ZEB1: variants seen among roughly 807,000 people sequenced by gnomAD.
ZEB1 encodes the protein zinc finger E-box binding homeobox 1.
ZEB1 carries 21 observed loss-of-function variants against 84.9 expected under a neutral mutation model. That is an observed-to-expected ratio of 0.25 (90% CI 0.18 to 0.36). ZEB1 has a LOEUF of 0.36. ZEB1 is among the 10% of genes least tolerant of loss of function. ZEB1 has a pLI of 1.00. For missense variants in ZEB1, 1,104 were observed against 1,330.2 expected (o/e 0.83, Z 2.65); for synonymous variants, 420 against 471.1 (o/e 0.89, Z 1.41).
intron 1 of ZEB1, among the ~76,000 whole-genome samples, chr10:31,448,648 G>T (rs2060111825): frequency 1.3e-5 from 2 of 151,894 alleles, no homozygotes; most frequent in Non-Finnish European, 2.9e-5. Flanking sequence ...ACCCTCAGCT[G>T]CAGGTCTGTT....
chr10:31,384,505 G>A (rs550534343), intron 1 of ZEB1, among the ~76,000 whole-genome samples: 17 of 152,238 alleles, frequency 1.1e-4, no homozygotes, highest in South Asian at 1.0e-3. Flanking sequence ...TAGTCATGAC[G>A]GTAGTCCATG....
chr10:31,491,903 G>A (rs922096977), intron 2 of ZEB1, among the ~76,000 whole-genome samples: 6 of 151,872 alleles, frequency 4.0e-5, no homozygotes, highest in African/African-American at 1.4e-4. Flanking sequence ...TACAGGAGCA[G>A]GAAAATGAAA....
chr10:31,503,835 G>A (rs772004921), intron 4 of ZEB1, among the ~76,000 whole-genome samples: 1 of 151,738 alleles, frequency 6.6e-6, no homozygotes, highest in African/African-American at 2.4e-5. Context: ...GCATTTTTTT[G>A]TATATCTGTG....
At chr10:31,503,830 T>C in intron 4 of ZEB1, among the ~76,000 whole-genome samples, 1 of 152,104 alleles carries the variant, frequency 6.6e-6, no homozygotes, top group East Asian at 1.9e-4. Flanking sequence ...GGTGAGCATT[T>C]TTTTGTATAT....
At chr10:31,475,921 A>C (rs1307439420) in intron 2 of ZEB1, among the ~76,000 whole-genome samples, 1 of 152,140 alleles carries the variant, frequency 6.6e-6, no homozygotes, top group Non-Finnish European at 1.5e-5. Context: ...ATGATGGGAA[A>C]AAAACACACA....
rs2073703125 is a variant in ZEB1, at chr10:31,527,417, AC to A, written c.*154del. 2.2e-6 allele frequency: 1 copy of A among 462,378 alleles called. No individual in the cohort carries two copies. The highest frequency in any genetic ancestry group is 3.4e-6 in the Non-Finnish European group (1 of 292,338). 28.6% of individuals were successfully genotyped at this position (462,378 alleles called of 1,614,324 possible). A position where few individuals can be genotyped will look rare whatever the true frequency, so the allele number is the denominator to read the frequency against. On this transcript the variant is annotated 3_prime_UTR_variant, in exon 9 of 9. Transcript: ENST00000424869. ...TAAAAAAATACAAAATACAAAACAC[AC>A]ACACACACACACACACACACACACA...
At chr10:31,434,546 G>A (rs1293378409) in intron 1 of ZEB1, among the ~76,000 whole-genome samples, 3 of 152,134 alleles carry the variant, frequency 2.0e-5, no homozygotes, top group Non-Finnish European at 2.9e-5. Flanking sequence ...TTATTAGGAA[G>A]CCATAAAAAC....
intron 2 of ZEB1, among the ~76,000 whole-genome samples, chr10:31,477,582 G>A (rs755974861): frequency 6.6e-6 from 1 of 152,008 alleles, no homozygotes; most frequent in Non-Finnish European, 1.5e-5. Flanking sequence ...CAAAGCCAGA[G>A]ACATCAGATT....
In ZEB1 at chr10:31,527,403, A is replaced by G; in HGVS notation, c.*139A>G. 1 of 980,990 alleles carries G rather than the reference A, an allele frequency of 1.0e-6. No individual in the cohort carries two copies. The highest frequency in any genetic ancestry group is 2.7e-5 in the East Asian group (1 of 37,676). The allele number at this position is 980,990 out of a possible 1,614,324, so 60.8% of individuals were successfully genotyped here. ...TGTAAAGTAAAAACTAAAAAAATAC[A>G]AAATACAAAACACACACACACACAC... On this transcript the variant is annotated 3_prime_UTR_variant, in exon 9 of 9. Coordinates refer to ENST00000424869, the MANE Select transcript of ZEB1 (RefSeq NM_001174096.2).
chr10:31,452,752 A>T (rs976810560), intron 1 of ZEB1, among the ~76,000 whole-genome samples: 5,043 of 131,580 alleles, frequency 0.038, 111 homozygotes, highest in African/African-American at 0.071. Flanking sequence ...TGAGAGAGAG[A>T]GAGAGAGAGA....
At chr10:31,396,593 A>G (rs1403646293) in intron 1 of ZEB1, among the ~76,000 whole-genome samples, 2 of 152,216 alleles carry the variant, frequency 1.3e-5, no homozygotes, top group African/African-American at 4.8e-5. Flanking sequence ...AGACTGTAGC[A>G]GAAATCACAA....
chr10:31,356,352 GTA>G (rs3057777), intron 1 of ZEB1, among the ~76,000 whole-genome samples: 4,153 of 146,492 alleles, frequency 0.028, 169 homozygotes, highest in African/African-American at 0.095. Context: ...TATATGATGT[GTA>G]TATATATATA....
intron 2 of ZEB1, among the ~76,000 whole-genome samples, chr10:31,487,498 T>A (rs1480476032): frequency 6.6e-6 from 1 of 151,500 alleles, no homozygotes; most frequent in African/African-American, 2.4e-5. Context: ...TATATATTTC[T>A]TCTTTGGAGA....
At chr10:31,463,697 G>A (rs371005280) in intron 2 of ZEB1, among the ~76,000 whole-genome samples, 2 of 152,270 alleles carry the variant, frequency 1.3e-5, no homozygotes, top group African/African-American at 2.4e-5. Flanking sequence ...AAGCTGTCTC[G>A]CACTGATTTG....
At chr10:31,460,918 AT>A in intron 1 of ZEB1, 118 bp from the exon 2 acceptor site, 1 of 859,440 alleles carries the variant, frequency 1.2e-6, no homozygotes, top group Admixed American at 2.1e-5. Flanking sequence ...TGTTAACATT[AT>A]TTAAAAGAAA....
Position 31,444,181 on chromosome 10 carries a change from T to C in ZEB1, c.59-16856T>C, listed in dbSNP as rs561593841. On this transcript the variant is annotated intron_variant, in intron 1 of 8. Coordinates refer to ENST00000424869, the MANE Select transcript of ZEB1 (RefSeq NM_001174096.2). ...ATGGCTAGTGATGATGAGCATTTTT[T>C]CATGTGTTTTTTGGCTGCATAAATG... is the stretch of plus-strand genomic sequence containing the variant. Among the ~76,000 whole-genome samples, 439 of 147,552 alleles carry C rather than the reference T, an allele frequency of 3.0e-3. 6 individuals carry two copies. The highest frequency in any genetic ancestry group is 2.3e-3 in the Non-Finnish European group (155 of 67,064).
intron 1 of ZEB1, among the ~76,000 whole-genome samples, chr10:31,383,210 T>C (rs1407105722): frequency 2.6e-5 from 4 of 152,130 alleles, no homozygotes; most frequent in African/African-American, 9.7e-5. Flanking sequence ...GAGAGCTTTG[T>C]GGTGATAGAA....
intron 1 of ZEB1, among the ~76,000 whole-genome samples, chr10:31,444,739 T>C (rs182969589): frequency 1.1e-4 from 16 of 152,130 alleles, no homozygotes; most frequent in African/African-American, 3.9e-4. Context: ...TGCGGCGTTA[T>C]TTCTGAGGGC....
rs141562485 is a variant in ZEB1 at position 31,388,360 on chromosome 10, C to G, written c.58+69068C>G. Among the ~76,000 whole-genome samples the G allele has an allele frequency of 3.9e-5, 6 of 152,190 alleles. No individual in the cohort carries two copies. The East Asian group carries it at 5.8e-4, about 15-fold the overall frequency. ...CTTTAGTTCTACAAAATGTGAACTT[C>G]TTATGGACCATTAAAGTGGGGAGTA... On this transcript the variant is annotated intron_variant, in intron 1 of 8. Transcript: ENST00000424869.
Sources: gnomAD v4.1 joint callset for allele counts (sites outside exome capture counted in the v4.1 genomes callset) on GRCh38, gnomAD v4.1.1 for gene constraint, MANE v1.5 for transcripts, NCBI Gene and HGNC (gene_info 2026-07-23, HGNC 2026-07-21) for gene names.